Variants in FAM168A observed in about 807,000 individuals in gnomAD.
FAM168A encodes the protein family with sequence similarity 168 member A.
In FAM168A, 3 loss-of-function variants were observed where a neutral mutation model predicts 28.5. That is an observed-to-expected ratio of 0.11 (90% CI 0.05 to 0.27). The LOEUF (loss-of-function observed/expected upper bound fraction) is 0.27. Among genes scored for constraint, FAM168A ranks in the 10% least tolerant of loss-of-function variants. The pLI is 1.00. For missense variants in FAM168A, 222 were observed against 311.5 expected, an observed-to-expected ratio of 0.71 and a Z score of 2.16; for synonymous variants, 122 against 124.2, an observed-to-expected ratio of 0.98 and a Z score of 0.12.
chr11:73,484,519 T>G (rs1420920796), intron 1 of FAM168A, among the ~76,000 whole-genome samples: 4 of 140,712 alleles, frequency 2.8e-5, no homozygotes, highest in African/African-American at 1.1e-4. Flanking sequence ...TATATATAGA[T>G]ATATATATCT....
At chr11:73,577,076 C>T (rs1198165537) in intron 1 of FAM168A, among the ~76,000 whole-genome samples, 2 of 152,098 alleles carry the variant, frequency 1.3e-5, no homozygotes, top group East Asian at 1.9e-4. Context: ...AACCGCATCA[C>T]GGAATAGAGA....
chr11:73,494,877 G>C (rs895467617), intron 1 of FAM168A, among the ~76,000 whole-genome samples: 3 of 152,076 alleles, frequency 2.0e-5, no homozygotes, highest in Non-Finnish European at 4.4e-5. Flanking sequence ...GCCCATGCCT[G>C]TAATCCCAGC....
intron 1 of FAM168A, among the ~76,000 whole-genome samples, chr11:73,520,010 G>A (rs936773033): frequency 1.3e-5 from 2 of 151,628 alleles, no homozygotes; most frequent in Non-Finnish European, 2.9e-5. Flanking sequence ...AAGAAGTGTA[G>A]CATATCAGAT....
rs572993 is a variant in FAM168A at position 73,404,543 on chromosome 11, A to G, written c.*2220T>C. On this transcript the variant is annotated 3_prime_UTR_variant, in exon 8 of 8. Coordinates refer to ENST00000356467, the MANE Select transcript of FAM168A (RefSeq NM_015159.3). ...AAAACCAAAGAGGGTGGAAGGAGGT[A>G]TTTGCAAAAAGTGAATTAACACTGG... 2 of 152,176 alleles carry G rather than the reference A, an allele frequency of 1.3e-5. No individual in the cohort carries two copies. The highest frequency in any genetic ancestry group is 2.9e-5 in the Non-Finnish European group (2 of 68,006). The allele number at this position is 152,176 out of a possible 1,614,324, so 9.4% of individuals were successfully genotyped here. A position where few individuals can be genotyped will look rare whatever the true frequency, so the allele number is the denominator to read the frequency against.
chr11:73,424,270 A>C (rs1866845324), intron 3 of FAM168A, among the ~76,000 whole-genome samples: 1 of 152,218 alleles, frequency 6.6e-6, no homozygotes, highest in Non-Finnish European at 1.5e-5. Flanking sequence ...AAAGTTGAGA[A>C]AGGGTGCAGA....
At chr11:73,521,232 A>G (rs1003973417) in intron 1 of FAM168A, among the ~76,000 whole-genome samples, 3 of 152,206 alleles carry the variant, frequency 2.0e-5, no homozygotes, top group South Asian at 2.1e-4. Context: ...TTAGCCCCAT[A>G]AAAGAAATCT....
intron 3 of FAM168A, among the ~76,000 whole-genome samples, chr11:73,423,159 T>C (rs1303779015): frequency 6.6e-6 from 1 of 152,190 alleles, no homozygotes; most frequent in Non-Finnish European, 1.5e-5. Flanking sequence ...TGTCACCCAG[T>C]CTTATAGTTT....
At chr11:73,422,082 G>A (rs1034377794) in intron 3 of FAM168A, among the ~76,000 whole-genome samples, 4 of 152,302 alleles carry the variant, frequency 2.6e-5, no homozygotes, top group Non-Finnish European at 4.4e-5. Context: ...GCGCCACGGT[G>A]GAAGGGAACA....
At chr11:73,413,137 C>A (rs933599772) in intron 4 of FAM168A, among the ~76,000 whole-genome samples, 8 of 152,318 alleles carry the variant, frequency 5.3e-5, no homozygotes, top group Admixed American at 4.6e-4. Context: ...CTTTCTCAGT[C>A]CACATCACAC....
At chr11:73,521,346 A>C (rs1943373357) in intron 1 of FAM168A, among the ~76,000 whole-genome samples, 1 of 152,138 alleles carries the variant, frequency 6.6e-6, no homozygotes, top group Admixed American at 6.5e-5. Flanking sequence ...CAGGGACAAG[A>C]GAGCTGAGAC....
rs1043635630 is a variant in FAM168A at position 73,403,679 on chromosome 11, G to C, written c.*3084C>G. On this transcript the variant is annotated 3_prime_UTR_variant, in exon 8 of 8. Coordinates refer to ENST00000356467, the MANE Select transcript of FAM168A (RefSeq NM_015159.3). ...ACCAGTAACTGTGCCCATCCTACCA[G>C]AGGCACATGACTGTCCCCGCTCTCC... 7.2e-5 allele frequency: 11 copies of C among 152,138 alleles called. No homozygotes were observed. The highest frequency in any genetic ancestry group is 1.3e-4 in the Non-Finnish European group (9 of 68,030). The allele number at this position is 152,138 out of a possible 1,614,324, so 9.4% of individuals were successfully genotyped here.
chr11:73,568,419 G>A (rs1944047158), intron 1 of FAM168A, among the ~76,000 whole-genome samples: 1 of 152,114 alleles, frequency 6.6e-6, no homozygotes, highest in African/African-American at 2.4e-5. Flanking sequence ...ACTAAAATAA[G>A]AAAAGAAGCT....
chr11:73,538,341 C>CAA (rs1004831620), intron 1 of FAM168A, among the ~76,000 whole-genome samples: 1 of 133,680 alleles, frequency 7.5e-6, no homozygotes, highest in Non-Finnish European at 1.6e-5. Flanking sequence ...AAACAAAAAA[C>CAA]AAAAAAAAAA....
intron 1 of FAM168A, among the ~76,000 whole-genome samples, chr11:73,586,995 T>C (rs1041139884): frequency 4.6e-5 from 7 of 151,958 alleles, no homozygotes; most frequent in Admixed American, 4.6e-4. Flanking sequence ...AACAGTATTT[T>C]TAGTAAAGGT....
At chr11:73,446,524 G>C (rs924028146) in intron 2 of FAM168A, among the ~76,000 whole-genome samples, 1 of 152,118 alleles carries the variant, frequency 6.6e-6, no homozygotes, top group Non-Finnish European at 1.5e-5. Flanking sequence ...ACACACTCTG[G>C]CCTCAGTACC....
At chr11:73,444,597 A>G (rs1026805749) in intron 2 of FAM168A, among the ~76,000 whole-genome samples, 2 of 152,256 alleles carry the variant, frequency 1.3e-5, no homozygotes, top group Non-Finnish European at 1.5e-5. Context: ...ATTGTAAATG[A>G]AAGTGTCCCC....
At chr11:73,496,873 T>TCACACACACACACACACACACACACA (rs71065011) in intron 1 of FAM168A, among the ~76,000 whole-genome samples, 28 of 140,128 alleles carry the variant, frequency 2.0e-4, no homozygotes, top group African/African-American at 6.8e-4. Context: ...TATGTTCTTA[T>TCACACACACACACACACACACACACA]CACACACACA....
rs141190419 is a variant in FAM168A, at chr11:73,573,130, T to C, written c.-19+24793A>G. ...CACCTGAGAGACACCACTGGATTCA[T>C]GCACAATAATCGCAAGACGCACTTG... is the stretch of plus-strand genomic sequence containing the variant. On this transcript the variant is annotated intron_variant, in intron 1 of 7. Coordinates refer to ENST00000356467, the MANE Select transcript of FAM168A (RefSeq NM_015159.3). 4.1e-3 allele frequency among the ~76,000 whole-genome samples: 623 copies of C among 152,284 alleles called. 9 individuals are homozygous for C. The highest frequency in any genetic ancestry group is 0.014 in the African/African-American group (597 of 41,550).
chr11:73,515,628 T>TA (rs1411438094), intron 1 of FAM168A, among the ~76,000 whole-genome samples: 2 of 150,754 alleles, frequency 1.3e-5, no homozygotes, highest in African/African-American at 4.9e-5. Context: ...AGGGGAGATA[T>TA]AAAAAAAACT....
Sources: gnomAD v4.1 joint callset for allele counts (sites outside exome capture counted in the v4.1 genomes callset) on GRCh38, gnomAD v4.1.1 for gene constraint, MANE v1.5 for transcripts, NCBI Gene and HGNC (gene_info 2026-07-23, HGNC 2026-07-21) for gene names.